Variants in DMD observed in about 807,000 individuals in gnomAD.
The protein encoded by DMD is dystrophin.
In DMD, 63 loss-of-function variants were observed where a neutral mutation model predicts 330.1. The observed-to-expected ratio is 0.19, with a 90% CI of 0.16 to 0.24. The LOEUF (loss-of-function observed/expected upper bound fraction) is 0.24. Ranked by LOEUF, DMD falls within the 10% of genes least tolerant of loss-of-function variation. The pLI is 1.00. For missense variants in DMD, 3,344 were observed against 2,684.1 expected, an observed-to-expected ratio of 1.25 and a Z score of -5.43; for synonymous variants, 1,223 against 959.8, an observed-to-expected ratio of 1.27 and a Z score of -5.07.
At chrX:32,197,541 G>A (rs766629288) in intron 44 of DMD, among the ~76,000 whole-genome samples, 1 of 111,188 alleles carries the variant, frequency 9.0e-6, no homozygotes, top group Non-Finnish European at 1.9e-5. Flanking sequence ...TGAACTTCAG[G>A]GGGTCAATAG....
chrX:32,428,088 T>A (rs1424636361), intron 29 of DMD, among the ~76,000 whole-genome samples: 2 of 111,705 alleles, frequency 1.8e-5, no homozygotes, highest in Non-Finnish European at 3.8e-5. Flanking sequence ...TGAATTCTTC[T>A]CTTTCCATTT....
chrX:33,328,088 A>G (rs923392645), intron 1 of DMD, among the ~76,000 whole-genome samples: 2 of 112,287 alleles, frequency 1.8e-5, no homozygotes, highest in Non-Finnish European at 3.8e-5. Context: ...TGGAATGGGA[A>G]CATCCAAGTA....
intron 44 of DMD, among the ~76,000 whole-genome samples, chrX:32,037,561 C>T (rs777061243): frequency 9.0e-6 from 1 of 111,395 alleles, no homozygotes; most frequent in Non-Finnish European, 1.9e-5. Flanking sequence ...TTGATTCAAA[C>T]GAAAGACACA....
chrX:33,131,575 T>G (rs2095499694), intron 1 of DMD, among the ~76,000 whole-genome samples: 1 of 111,968 alleles, frequency 8.9e-6, no homozygotes. Context: ...AACCACTTTC[T>G]AGACCATGCT....
intron 44 of DMD, among the ~76,000 whole-genome samples, chrX:32,156,507 A>G (rs1391244173): frequency 1.8e-5 from 2 of 112,092 alleles, no homozygotes; most frequent in Non-Finnish European, 3.8e-5. Context: ...ATAATAGTTC[A>G]TTATAATAGC....
At chrX:32,782,309 T>G (rs944434880) in intron 7 of DMD, among the ~76,000 whole-genome samples, 2 of 111,415 alleles carry the variant, frequency 1.8e-5, no homozygotes, top group Non-Finnish European at 3.8e-5. Context: ...AACAAAAAAC[T>G]AAGAATAGTT....
intron 1 of DMD, among the ~76,000 whole-genome samples, chrX:33,093,541 T>C (rs1442118151): frequency 8.9e-6 from 1 of 112,066 alleles, no homozygotes; most frequent in African/African-American, 3.2e-5. Flanking sequence ...TCTAGTCAAT[T>C]ATATATATAC....
intron 50 of DMD, among the ~76,000 whole-genome samples, chrX:31,800,439 G>A (rs1039259683): frequency 8.9e-6 from 1 of 112,194 alleles, no homozygotes; most frequent in Admixed American, 9.4e-5. Context: ...TGGTATGCAG[G>A]GCACGAAGTC....
chrX:32,504,388 C>T (rs1227200083), intron 18 of DMD, among the ~76,000 whole-genome samples: 2 of 111,137 alleles, frequency 1.8e-5, no homozygotes, highest in Non-Finnish European at 3.8e-5. Flanking sequence ...CTTTGGGGGG[C>T]CAACGCGGGT....
intron 26 of DMD, among the ~76,000 whole-genome samples, chrX:32,452,403 A>AGGGAAGGGAAAG (rs1211184191): frequency 1.2e-4 from 1 of 8,294 alleles, no homozygotes; most frequent in African/African-American, 2.9e-4. Context: ...GGGAAGGGAA[A>AGGGAAGGGAAAG]GGAAAGGGAA....
chrX:33,304,025 G>T (rs1270766991), intron 1 of DMD, among the ~76,000 whole-genome samples: 2 of 110,578 alleles, frequency 1.8e-5, no homozygotes, highest in East Asian at 5.6e-4. Flanking sequence ...TTATAAATAT[G>T]AATTAATTCC....
intron 9 of DMD, among the ~76,000 whole-genome samples, chrX:32,685,346 GA>G (rs1222616448): frequency 9.0e-6 from 1 of 111,670 alleles, no homozygotes; most frequent in Non-Finnish European, 1.9e-5. Context: ...GAATGTTTCA[GA>G]AAGAGGACTA....
At chrX:31,894,571 T>A (rs941503614) in intron 47 of DMD, among the ~76,000 whole-genome samples, 8 of 111,948 alleles carry the variant, frequency 7.1e-5, no homozygotes, top group Admixed American at 5.7e-4. Context: ...GGCATCTTTA[T>A]AATATTTGTC....
intron 73 of DMD, among the ~76,000 whole-genome samples, chrX:31,170,232 A>G (rs2039853394): frequency 8.9e-6 from 1 of 112,078 alleles, no homozygotes; most frequent in African/African-American, 3.2e-5. Flanking sequence ...GTGACTGATT[A>G]AAAGAAGACT....
chrX:33,278,401 T>C (rs1169242000), intron 1 of DMD, among the ~76,000 whole-genome samples: 2 of 111,630 alleles, frequency 1.8e-5, no homozygotes, highest in Non-Finnish European at 3.8e-5. Context: ...ACTCAGTGTT[T>C]AGCTCCCACT....
intron 21 of DMD, among the ~76,000 whole-genome samples, chrX:32,477,307 A>T (rs1252643239): frequency 9.0e-6 from 1 of 111,026 alleles, no homozygotes; most frequent in East Asian, 2.8e-4. Context: ...AAGTAAAAAA[A>T]AAAATTCCAT....
intron 1 of DMD, among the ~76,000 whole-genome samples, chrX:33,178,463 G>A (rs1390190854): frequency 1.8e-5 from 2 of 111,770 alleles, no homozygotes; most frequent in Middle Eastern, 4.6e-3. Flanking sequence ...TCTATTTCTG[G>A]ATTTCTGATA....
chrX:31,347,196 T>C, intron 61 of DMD, among the ~76,000 whole-genome samples: 1 of 110,051 alleles, frequency 9.1e-6, no homozygotes, highest in Non-Finnish European at 1.9e-5. Context: ...GTCAGGGTAT[T>C]TGAGGCATCC....
At chrX:31,200,559 A>G (rs939602083) in intron 67 of DMD, among the ~76,000 whole-genome samples, 2 of 112,181 alleles carry the variant, frequency 1.8e-5, no homozygotes, top group African/African-American at 6.5e-5. Context: ...TATAAGCATA[A>G]TAGGTACAAA....
Sources: allele counts gnomAD v4.1 joint callset (sites outside exome capture counted in the v4.1 genomes callset), GRCh38; gene constraint gnomAD v4.1.1; transcripts MANE v1.5; gene names NCBI Gene and HGNC (gene_info 2026-07-23, HGNC 2026-07-21).